Variants in TEX2 observed in about 807,000 individuals in gnomAD.
TEX2 encodes the protein testis-expressed protein 2.
TEX2 carries 53 observed loss-of-function variants against 106.9 expected under a neutral mutation model. The observed-to-expected ratio is 0.50, with a 90% CI of 0.40 to 0.62. The LOEUF (loss-of-function observed/expected upper bound fraction) is 0.62. Ranked by LOEUF, TEX2 falls within the 20% of genes least tolerant of loss-of-function variation. The probability of loss-of-function intolerance (pLI) is 0.00; values close to 1 mark genes in which losing one functional copy is unlikely to be tolerated. For missense variants in TEX2, 1,207 were observed against 1,379.0 expected (o/e 0.88, Z 1.98); for synonymous variants, 523 against 534.8 (o/e 0.98, Z 0.30).
intron 1 of TEX2, among the ~76,000 whole-genome samples, chr17:64,246,839 A>T (rs1432673360): frequency 2.6e-5 from 4 of 152,208 alleles, no homozygotes; most frequent in Non-Finnish European, 4.4e-5. Context: ...CACCTTCCAG[A>T]GTCACAGAGC....
Position 64,160,935 on chromosome 17 carries a change from T to A in TEX2, c.2672-2A>T, listed in dbSNP as rs758335583. 7 of 1,606,452 alleles carry A rather than the reference T, an allele frequency of 4.4e-6. No individual in the cohort carries two copies. On this transcript the variant is annotated splice_acceptor_variant, in intron 7 of 11. Transcript: ENST00000584379. LOFTEE classifies it high-confidence loss of function. ...ACATTTCCAAATCAATCCAGAGTCC[T>A]GGAGAAATGGTGAAAAAACAGAAGG...
At chr17:64,232,804 G>T (rs1194457509) in intron 1 of TEX2, among the ~76,000 whole-genome samples, 1 of 152,188 alleles carries the variant, frequency 6.6e-6, no homozygotes, top group Non-Finnish European at 1.5e-5. Context: ...TGTTCATCCT[G>T]GGTAAAAGCA....
At chr17:64,245,179 C>T (rs1555636163) in intron 1 of TEX2, among the ~76,000 whole-genome samples, 1 of 152,060 alleles carries the variant, frequency 6.6e-6, no homozygotes, top group East Asian at 1.9e-4. Flanking sequence ...ATTATTTTTA[C>T]AATGACTACA....
chr17:64,259,640 T>C (rs117433428), intron 1 of TEX2, among the ~76,000 whole-genome samples: 3,387 of 152,318 alleles, frequency 0.022, 58 homozygotes, highest in Non-Finnish European at 0.032. Context: ...GATTATTGCC[T>C]AGGCGTTGAG....
chr17:64,193,472 CT>C, intron 4 of TEX2, 86 bp downstream of exon 4: 7 of 1,172,686 alleles, frequency 6.0e-6, no homozygotes, highest in Non-Finnish European at 8.0e-6. Flanking sequence ...GGCTTCCTTC[CT>C]TCCTTCCTTC....
chr17:64,156,883 C>A (rs1441019914), intron 8 of TEX2, among the ~76,000 whole-genome samples: 1 of 152,244 alleles, frequency 6.6e-6, no homozygotes, highest in African/African-American at 2.4e-5. Context: ...GCAGCTCCAA[C>A]CCTGGGCAGA....
chr17:64,237,127 G>A lies in TEX2; in HGVS notation c.-25-22885C>T, dbSNP rs887094733. ...CGTTTTGAATATTAATCACAGAAGG[G>A]CCCCCTGAACAAGTGGGCATTGGGC... On this transcript the variant is annotated intron_variant, in intron 1 of 11. Transcript: ENST00000584379. 2.6e-5 allele frequency among the ~76,000 whole-genome samples: 4 copies of A among 152,170 alleles called. No individual in the cohort carries two copies. The East Asian group carries it at 7.7e-4, about 29-fold the overall frequency.
At chr17:64,149,186 T>C in intron 11 of TEX2, 95 bp from the exon 12 acceptor site, 1 of 1,390,534 alleles carries the variant, frequency 7.2e-7, no homozygotes, top group South Asian at 1.4e-5. Context: ...TAGACTGATT[T>C]TTAAAAGTAC....
intron 1 of TEX2, among the ~76,000 whole-genome samples, chr17:64,216,194 G>T (rs2033180557): frequency 6.6e-6 from 1 of 152,170 alleles, no homozygotes; most frequent in Non-Finnish European, 1.5e-5. Context: ...ACAGCCTCGG[G>T]TCCAGGACAA....
At position 64,150,858 on chromosome 17, in the gene TEX2, G is replaced by C; in HGVS notation, c.3244C>G (p.Leu1082Val). The C allele has an allele frequency of 6.2e-7, 1 of 1,613,074 alleles. No homozygotes were observed. Among genetic ancestry groups the C allele is most frequent in the Non-Finnish European group, 8.5e-7 (1 of 1,179,610 alleles). ...VHVTDWIEKK[L>V]EQEFQKVFVM... is the part of the protein sequence containing the mutation. ...AGGTTTACCTGAAACTCTTGCTCCA[G>C]TTTCTTCTCTATCCAGTCTGTCACA... The change falls in exon 11 of 12, where the codon CTG becomes GTG. Residue 1082 changes from leucine (L) to valine (V), a missense_variant. Coordinates refer to ENST00000584379, the MANE Select transcript of TEX2 (RefSeq NM_001288732.2).
At chr17:64,196,300 T>C (rs1390160925) in intron 2 of TEX2, among the ~76,000 whole-genome samples, 1 of 152,206 alleles carries the variant, frequency 6.6e-6, no homozygotes, top group African/African-American at 2.4e-5. Context: ...CATTCCCGTA[T>C]CCTATGACCC....
At chr17:64,173,223 C>T (rs528837190) in intron 6 of TEX2, among the ~76,000 whole-genome samples, 1 of 152,256 alleles carries the variant, frequency 6.6e-6, no homozygotes, top group East Asian at 1.9e-4. Flanking sequence ...CTTTATAATA[C>T]ACTTTTAACT....
chr17:64,200,883 T>C (rs1301266797), intron 2 of TEX2, among the ~76,000 whole-genome samples: 2 of 152,092 alleles, frequency 1.3e-5, no homozygotes, highest in Non-Finnish European at 2.9e-5. Context: ...CCAGCTGCTG[T>C]GGTTTCTCCT....
chr17:64,188,050 T>G, intron 5 of TEX2, 118 bp downstream of exon 5: 1 of 1,216,334 alleles, frequency 8.2e-7, no homozygotes, highest in Non-Finnish European at 1.1e-6. Context: ...AGGGTCCTTC[T>G]CTGTCTTGTG....
intron 8 of TEX2, chr17:64,156,178 C>T (rs903110217): frequency 6.6e-6 from 1 of 152,354 alleles, no homozygotes; most frequent in Admixed American, 6.5e-5. Flanking sequence ...GGGCACAGCA[C>T]ACATGCCAGT....
chr17:64,194,777 G>A, intron 3 of TEX2, 118 bp downstream of exon 3: 3 of 873,860 alleles, frequency 3.4e-6, no homozygotes, highest in Non-Finnish European at 5.5e-6. Context: ...TGTCCCCTAA[G>A]GTATACTGTT....
intron 1 of TEX2, among the ~76,000 whole-genome samples, chr17:64,252,079 G>A (rs2034103771): frequency 6.6e-6 from 1 of 152,122 alleles, no homozygotes; most frequent in African/African-American, 2.4e-5. Context: ...AGTGTCTCCT[G>A]AGGCTGGGTG....
rs998247488 is a variant in TEX2 at position 64,149,212 on chromosome 17, A to C, written c.3262-121T>G. ...TTAAAAGTACATATAAAAACTTGCT[A>C]TGCATTCCAAACTAATTCTCCCACC... On this transcript the variant is annotated intron_variant, in intron 11 of 11. Transcript: ENST00000584379. The C allele has an allele frequency of 4.9e-5, 52 of 1,069,724 alleles. No homozygotes were observed. The Middle Eastern group carries it at 6.5e-4, about 13-fold the overall frequency. The allele number at this position is 1,069,724 out of a possible 1,614,324, so 66.3% of individuals were successfully genotyped here.
intron 4 of TEX2, among the ~76,000 whole-genome samples, chr17:64,188,625 G>A (rs1411700301): frequency 6.6e-6 from 1 of 151,996 alleles, no homozygotes; most frequent in Admixed American, 6.5e-5. Flanking sequence ...GACCATCCTG[G>A]CTAACACAGT....
Sources: gnomAD v4.1 joint callset for allele counts (sites outside exome capture counted in the v4.1 genomes callset) on GRCh38, gnomAD v4.1.1 for gene constraint, MANE v1.5 for transcripts, NCBI Gene and HGNC (gene_info 2026-07-23, HGNC 2026-07-21) for gene names.